Variants in NDUFA10 observed in about 807,000 individuals in gnomAD.
NDUFA10 encodes NADH dehydrogenase [ubiquinone] 1 alpha subcomplex subunit 10, mitochondrial.
In NDUFA10, 40 loss-of-function variants were observed where a neutral mutation model predicts 47.8. That is an observed-to-expected ratio of 0.84 (90% CI 0.65 to 1.09). The LOEUF (loss-of-function observed/expected upper bound fraction) is 1.09. Among genes scored for constraint, NDUFA10 ranks in the 50% least tolerant of loss-of-function variants. The probability of loss-of-function intolerance (pLI) is 0.00; values close to 1 mark genes in which losing one functional copy is unlikely to be tolerated. For synonymous variants in NDUFA10, 183 were observed against 172.2 expected, an observed-to-expected ratio of 1.06 and a Z score of -0.49; for missense variants, 413 against 451.1, an observed-to-expected ratio of 0.92 and a Z score of 0.76.
chr2:239,905,181 G>A (rs1251063886), intron 4 of NDUFA10, among the ~76,000 whole-genome samples: 4 of 152,102 alleles, frequency 2.6e-5, no homozygotes, highest in African/African-American at 4.8e-5. Context: ...ATGTGTGCCC[G>A]GGCCTGTTGG....
At chr2:239,992,570 G>A (rs569295239) in intron 8 of NDUFA10, among the ~76,000 whole-genome samples, 2 of 152,282 alleles carry the variant, frequency 1.3e-5, no homozygotes, top group Admixed American at 1.3e-4. Context: ...CGTGCTCCAG[G>A]AGTCATGTAA....
At chr2:239,979,254 C>T (rs1331186822) in intron 9 of NDUFA10, among the ~76,000 whole-genome samples, 1 of 151,390 alleles carries the variant, frequency 6.6e-6, no homozygotes. Context: ...TAGAACCCCA[C>T]CCCACAGCCC....
chr2:239,965,070 T>C (rs574665657), intron 9 of NDUFA10, among the ~76,000 whole-genome samples: 1 of 152,328 alleles, frequency 6.6e-6, no homozygotes, highest in South Asian at 2.1e-4. Context: ...GAGGAAGGGC[T>C]GGGTTTGGGA....
At chr2:239,941,724 CAA>C (rs370364666) in intron 4 of NDUFA10, among the ~76,000 whole-genome samples, 5 of 112,022 alleles carry the variant, frequency 4.5e-5, no homozygotes, top group Non-Finnish European at 5.6e-5. Flanking sequence ...GACTCTGTCT[CAA>C]AAAAAAAAAA....
chr2:240,008,667 T>C (rs973249609), intron 6 of NDUFA10, among the ~76,000 whole-genome samples: 2 of 152,228 alleles, frequency 1.3e-5, no homozygotes, highest in African/African-American at 4.8e-5. Flanking sequence ...AGAGTGGTCA[T>C]GAGAGATCAG....
chr2:239,910,748 G>A (rs79389612), intron 4 of NDUFA10, among the ~76,000 whole-genome samples: 3,288 of 152,252 alleles, frequency 0.022, 66 homozygotes, highest in East Asian at 0.1. Flanking sequence ...TAATAATCAT[G>A]TGACCGAGAT....
intron 4 of NDUFA10, among the ~76,000 whole-genome samples, chr2:239,915,774 TCAGA>T (rs1693856454): frequency 9.7e-6 from 1 of 102,672 alleles, no homozygotes; most frequent in East Asian, 2.8e-4. Context: ...AAATATATAC[TCAGA>T]CACATAGAAA....
chr2:240,018,879 C>T (rs1016582377), intron 3 of NDUFA10, among the ~76,000 whole-genome samples: 38 of 152,238 alleles, frequency 2.5e-4, no homozygotes, highest in Middle Eastern at 3.4e-3. Flanking sequence ...CAGAAAGCAT[C>T]CGGTTAATAC....
chr2:239,955,907 C>G (rs907335116), downstream of NDUFA10, among the ~76,000 whole-genome samples: 22 of 152,144 alleles, frequency 1.4e-4, no homozygotes, highest in African/African-American at 5.3e-4. Context: ...CAGCAGAGCC[C>G]GGAGTCAGAG....
At chr2:240,021,786 C>T (rs775770453) in intron 2 of NDUFA10, among the ~76,000 whole-genome samples, 1 of 152,144 alleles carries the variant, frequency 6.6e-6, no homozygotes, top group Non-Finnish European at 1.5e-5. Context: ...CTTTGGGACC[C>T]AGCTATGTGG....
At chr2:239,904,962 C>T (rs1693619781) in intron 4 of NDUFA10, among the ~76,000 whole-genome samples, 1 of 152,200 alleles carries the variant, frequency 6.6e-6, no homozygotes, top group Non-Finnish European at 1.5e-5. Context: ...TTCTGCTCTT[C>T]CGCCTCTTAT....
At chr2:240,017,749 G>T in intron 4 of NDUFA10, 1 of 1,318,084 alleles carries the variant, frequency 7.6e-7, no homozygotes, top group Non-Finnish European at 1.1e-6. Flanking sequence ...GCTCACAGGT[G>T]GAGTACCGGC....
At chr2:240,020,083 T>TGG (rs1697556808) in intron 3 of NDUFA10, among the ~76,000 whole-genome samples, 1 of 152,206 alleles carries the variant, frequency 6.6e-6, no homozygotes, top group Non-Finnish European at 1.5e-5. Context: ...ACTGTGTAGA[T>TGG]ACGTGTCATG....
intron 9 of NDUFA10, chr2:239,969,894 A>C (rs1695242012): frequency 2.4e-6 from 1 of 411,298 alleles, no homozygotes; most frequent in Non-Finnish European, 4.9e-6. Flanking sequence ...GGACAGAGTC[A>C]CAGGGACCTG....
At chr2:239,936,494 T>C (rs1292560934) in intron 4 of NDUFA10, among the ~76,000 whole-genome samples, 1 of 152,062 alleles carries the variant, frequency 6.6e-6, no homozygotes, top group East Asian at 1.9e-4. Flanking sequence ...GAGGGGGCCC[T>C]AAAGTAAACT....
At chr2:239,972,292 G>A (rs1276206456) in intron 9 of NDUFA10, among the ~76,000 whole-genome samples, 1 of 151,826 alleles carries the variant, frequency 6.6e-6, no homozygotes, top group Admixed American at 6.6e-5. Context: ...ACAAAAAAAC[G>A]ATTGAGTGAG....
At chr2:240,012,585 C>T (rs34789127) in intron 5 of NDUFA10, 42,241 of 152,124 alleles carry the variant, frequency 0.28, 6,805 homozygotes, top group East Asian at 0.38. Context: ...AGAGTGGCAA[C>T]AACTTGGTAA....
intron 9 of NDUFA10, chr2:239,982,165 C>G (rs778938982): frequency 1.2e-6 from 2 of 1,612,892 alleles, no homozygotes; most frequent in Non-Finnish European, 1.7e-6. Flanking sequence ...GTGAGAAGCA[C>G]TTCAGGACCC....
chr2:239,968,898 G>A (rs1695199238), intron 9 of NDUFA10, among the ~76,000 whole-genome samples: 2 of 152,194 alleles, frequency 1.3e-5, no homozygotes, highest in African/African-American at 2.4e-5. Context: ...GGGACCCCAT[G>A]GCCATGCCTT....
Sources: gnomAD v4.1 joint callset for allele counts (sites outside exome capture counted in the v4.1 genomes callset) on GRCh38, gnomAD v4.1.1 for gene constraint, MANE v1.5 for transcripts, NCBI Gene and HGNC (gene_info 2026-07-23, HGNC 2026-07-21) for gene names.